The following XYLT1 variants were observed in gnomAD, a reference collection of about 807,000 sequenced individuals.
XYLT1 encodes beta-D-xylosyltransferase 1.
Under a neutral mutation model 91.3 loss-of-function variants are expected in XYLT1, and 36 were observed. The observed-to-expected ratio is 0.39, with a 90% CI of 0.30 to 0.52. The LOEUF (loss-of-function observed/expected upper bound fraction) is 0.52. XYLT1 is among the 20% of genes least tolerant of loss of function. XYLT1 has a pLI of 0.68. For synonymous variants in XYLT1, 588 were observed against 532.0 expected, an observed-to-expected ratio of 1.11 and a Z score of -1.45; for missense variants, 1,242 against 1,284.5, an observed-to-expected ratio of 0.97 and a Z score of 0.51.
intron 1 of XYLT1, among the ~76,000 whole-genome samples, chr16:17,386,359 G>A (rs1017521514): frequency 5.3e-5 from 8 of 152,228 alleles, no homozygotes; most frequent in African/African-American, 1.9e-4. Context: ...TACACAATAA[G>A]CTCAAAAGGA....
At chr16:17,302,601 G>C (rs760285153) in intron 2 of XYLT1, among the ~76,000 whole-genome samples, 1 of 152,180 alleles carries the variant, frequency 6.6e-6, no homozygotes. Context: ...TCCCCACCAT[G>C]GTGTAGGTGT....
At chr16:17,110,755 T>G (rs1221957163) in intron 11 of XYLT1, among the ~76,000 whole-genome samples, 1 of 152,160 alleles carries the variant, frequency 6.6e-6, no homozygotes, top group East Asian at 1.9e-4. Context: ...TAGAGACAGA[T>G]CTGGGGTTAA....
intron 2 of XYLT1, among the ~76,000 whole-genome samples, chr16:17,343,363 C>T (rs943258198): frequency 2.0e-5 from 3 of 152,236 alleles, no homozygotes; most frequent in Admixed American, 2.0e-4. Flanking sequence ...GCTGCATCAA[C>T]AGCGACTCAG....
chr16:17,211,106 A>G (rs979154137), intron 3 of XYLT1, among the ~76,000 whole-genome samples: 2 of 152,234 alleles, frequency 1.3e-5, no homozygotes, highest in Non-Finnish European at 2.9e-5. Context: ...AATAAAGGCG[A>G]GTCTATTGCA....
intron 1 of XYLT1, among the ~76,000 whole-genome samples, chr16:17,450,365 A>ACAAGC (rs1555458016): frequency 6.9e-6 from 1 of 145,190 alleles, no homozygotes; most frequent in African/African-American, 2.6e-5. Context: ...AAACAAACAA[A>ACAAGC]AAAAAAAAGG....
At chr16:17,405,443 C>T (rs1473189644) in intron 1 of XYLT1, among the ~76,000 whole-genome samples, 1 of 152,194 alleles carries the variant, frequency 6.6e-6, no homozygotes, top group Non-Finnish European at 1.5e-5. Flanking sequence ...CCACACACCC[C>T]ACCCAAAGAC....
At chr16:17,405,873 G>C (rs2036026928) in intron 1 of XYLT1, among the ~76,000 whole-genome samples, 1 of 152,190 alleles carries the variant, frequency 6.6e-6, no homozygotes, top group East Asian at 1.9e-4. Flanking sequence ...CATACAGAGG[G>C]GGGATGAAAA....
chr16:17,390,277 G>A (rs774867457), intron 1 of XYLT1, among the ~76,000 whole-genome samples: 24 of 152,116 alleles, frequency 1.6e-4, no homozygotes, highest in Admixed American at 5.2e-4. Context: ...ATAAAGTTGC[G>A]GCTGTATGTA....
chr16:17,268,765 C>A (rs998019000), intron 2 of XYLT1, among the ~76,000 whole-genome samples: 1 of 151,138 alleles, frequency 6.6e-6, no homozygotes, highest in East Asian at 2.0e-4. Context: ...CTCCGCTTCC[C>A]GGGTTCAAGC....
intron 1 of XYLT1, among the ~76,000 whole-genome samples, chr16:17,384,791 T>A (rs2035727118): frequency 6.6e-6 from 1 of 151,828 alleles, no homozygotes; most frequent in South Asian, 2.1e-4. Context: ...CGAGGGTGAG[T>A]AAAAATCCGC....
intron 6 of XYLT1, among the ~76,000 whole-genome samples, chr16:17,156,397 T>C (rs1430492813): frequency 1.3e-5 from 2 of 152,240 alleles, no homozygotes; most frequent in African/African-American, 2.4e-5. Flanking sequence ...AGCTGCTACC[T>C]GGAGAAGAAG....
At chr16:17,141,649 T>A (rs766128953) in intron 6 of XYLT1, among the ~76,000 whole-genome samples, 6 of 152,118 alleles carry the variant, frequency 3.9e-5, no homozygotes, top group Non-Finnish European at 8.8e-5. Flanking sequence ...CCCAGCACAG[T>A]CAGATGACAG....
chr16:17,160,717 C>T (rs911414104), intron 5 of XYLT1, among the ~76,000 whole-genome samples: 1 of 152,156 alleles, frequency 6.6e-6, no homozygotes, highest in African/African-American at 2.4e-5. Flanking sequence ...TGGTGCATCT[C>T]CCGCGTGGTT....
chr16:17,369,957 T>C (rs2035509036), intron 1 of XYLT1, among the ~76,000 whole-genome samples: 1 of 152,030 alleles, frequency 6.6e-6, no homozygotes, highest in Non-Finnish European at 1.5e-5. Flanking sequence ...CAAGCCCAGC[T>C]CTCCTTCTGT....
chr16:17,345,818 T>C (rs924417407), intron 2 of XYLT1, among the ~76,000 whole-genome samples: 1 of 152,104 alleles, frequency 6.6e-6, no homozygotes, highest in Non-Finnish European at 1.5e-5. Context: ...TTATTTATTA[T>C]TATTATTTTT....
At chr16:17,321,155 G>A (rs937509800) in intron 2 of XYLT1, among the ~76,000 whole-genome samples, 7 of 151,916 alleles carry the variant, frequency 4.6e-5, no homozygotes, top group African/African-American at 1.5e-4. Context: ...CTCCAGTGGG[G>A]CAGGCTGTAC....
chr16:17,200,523 T>C lies in XYLT1; in HGVS notation c.1045A>G (p.Ile349Val), dbSNP rs753069966. 2.7e-5 allele frequency: 43 copies of C among 1,614,058 alleles called. No individual in the cohort carries two copies. Among genetic ancestry groups the C allele is most frequent in the Non-Finnish European group, 6.8e-6 (8 of 1,180,016 alleles). The change falls in exon 4 of 12, where the codon ATC becomes GTC. Residue 349 changes from isoleucine to valine, a missense_variant. Around this residue, in one of 3 missense-constraint regions of XYLT1, gnomAD observed 294 missense variants for 376.0 expected, o/e 0.78. Coordinates refer to ENST00000261381, the MANE Select transcript of XYLT1 (RefSeq NM_022166.4). ...TAGTAGAAGTGGTCTTTGTGGTAGA[T>C]GGCCTTGAACATGCGCTGCAACTGC... ...SRQLQRMFKA[I>V]YHKDHFYYIH...
chr16:17,244,444 G>A (rs917925303), intron 3 of XYLT1, among the ~76,000 whole-genome samples: 2 of 152,218 alleles, frequency 1.3e-5, no homozygotes, highest in African/African-American at 4.8e-5. Context: ...TTTAGAGGCT[G>A]TCAAGGTCCT....
Position 17,108,794 on chromosome 16 carries a change from G to A in XYLT1, c.2781C>T (p.Cys927=), listed in dbSNP as rs770959514. 10 of 1,611,368 alleles carry A rather than the reference G, an allele frequency of 6.2e-6. No homozygotes were observed. The highest frequency in any genetic ancestry group is 4.4e-5 in the South Asian group (4 of 91,018). The part of the protein sequence containing the change: ...MDICATGPTA[C]PVMQTCSQTA... ...TCTGGCTGCAGGTCTGCATGACCGGGCAGGCTGTGGGGCCCGTGGCACAGA... is the reference window on the plus strand; with the variant it reads ...TCTGGCTGCAGGTCTGCATGACCGGACAGGCTGTGGGGCCCGTGGCACAGA... The change falls in exon 12 of 12, where the codon TGC becomes TGT. Residue 927 remains cysteine (C), a synonymous_variant. Coordinates refer to ENST00000261381, the MANE Select transcript of XYLT1 (RefSeq NM_022166.4).
Sources: allele counts gnomAD v4.1 joint callset (sites outside exome capture counted in the v4.1 genomes callset), GRCh38; gene constraint gnomAD v4.1.1; regional missense constraint gnomAD v4.1.1; transcripts MANE v1.5; gene names NCBI Gene and HGNC (gene_info 2026-07-23, HGNC 2026-07-21).